ADGRL3: variants seen among roughly 807,000 people sequenced by gnomAD.
ADGRL3 encodes adhesion G protein-coupled receptor L3, also known as calcium-independent alpha-latrotoxin receptor 3.
In ADGRL3, 62 loss-of-function variants were observed where a neutral mutation model predicts 153.5. The ratio of observed to expected loss-of-function variants is 0.40; its 90% CI spans 0.33 to 0.50. The LOEUF is 0.50. ADGRL3 is among the 20% of genes least tolerant of loss of function. ADGRL3 has a pLI of 0.47. For missense variants in ADGRL3, 1,641 were observed against 1,859.4 expected, an observed-to-expected ratio of 0.88 and a Z score of 2.16; for synonymous variants, 710 against 672.5, an observed-to-expected ratio of 1.06 and a Z score of -0.86.
chr4:61,597,029 GT>G (rs909659875), intron 5 of ADGRL3, among the ~76,000 whole-genome samples: 200 of 140,002 alleles, frequency 1.4e-3, no homozygotes, highest in East Asian at 6.9e-3. Flanking sequence ...AGTGAAGTGT[GT>G]TTTTTTTTTT....
At chr4:61,654,508 C>A (rs1009095746) in intron 5 of ADGRL3, among the ~76,000 whole-genome samples, 2 of 151,714 alleles carry the variant, frequency 1.3e-5, no homozygotes, top group African/African-American at 4.8e-5. Context: ...CACTTCTGTA[C>A]TTTTTAGAAT....
intron 4 of ADGRL3, among the ~76,000 whole-genome samples, chr4:61,539,991 A>G (rs979718649): frequency 6.6e-6 from 1 of 152,288 alleles, no homozygotes; most frequent in Middle Eastern, 3.4e-3. Context: ...TCTTCTTCTT[A>G]AGAACTGGCA....
intron 21 of ADGRL3, among the ~76,000 whole-genome samples, chr4:62,008,382 G>T: frequency 6.6e-6 from 1 of 152,080 alleles, no homozygotes; most frequent in East Asian, 1.9e-4. Context: ...AAAGAGTATG[G>T]GGTATAGTGT....
intron 17 of ADGRL3, among the ~76,000 whole-genome samples, chr4:61,975,388 G>A (rs920603586): frequency 2.0e-5 from 3 of 152,134 alleles, no homozygotes; most frequent in African/African-American, 7.2e-5. Context: ...CCATGGGCTG[G>A]AATATCTCTC....
chr4:61,392,008 T>C (rs539743332), intron 2 of ADGRL3, among the ~76,000 whole-genome samples: 238 of 149,800 alleles, frequency 1.6e-3, no homozygotes, highest in African/African-American at 5.5e-3. Flanking sequence ...TGCAGGCGCC[T>C]GCCACCACGA....
In ADGRL3 at chr4:61,436,749, C is replaced by G. The variant is rs373770032; in HGVS notation, c.-174+53560C>G. 4.6e-5 allele frequency among the ~76,000 whole-genome samples: 7 copies of G among 151,890 alleles called. No individual in the cohort carries two copies. In the East Asian group the frequency reaches 7.8e-4, roughly 17 times the overall value. ...AGCAGTCTCCTTGTAAATGTTGAGG[C>G]CAATTTCCTGAAAATCATAGTGGTA... On this transcript the variant is annotated intron_variant, in intron 2 of 26. Transcript: ENST00000683033.
At chr4:61,645,095 T>A (rs2093904216) in intron 5 of ADGRL3, among the ~76,000 whole-genome samples, 1 of 144,262 alleles carries the variant, frequency 6.9e-6, no homozygotes, top group Admixed American at 7.1e-5. Context: ...TATCAGAGAC[T>A]AGGATTGCAA....
chr4:61,928,923 G>T (rs954423635), intron 13 of ADGRL3, among the ~76,000 whole-genome samples: 1 of 152,030 alleles, frequency 6.6e-6, no homozygotes, highest in Non-Finnish European at 1.5e-5. Context: ...ATACCCAAAT[G>T]GTATCACGGC....
chr4:61,474,562 TAAGAAA>T (rs1288513456), intron 2 of ADGRL3, among the ~76,000 whole-genome samples: 6 of 152,124 alleles, frequency 3.9e-5, no homozygotes, highest in Non-Finnish European at 8.8e-5. Flanking sequence ...AAGGGTTTTT[TAAGAAA>T]AAGAAAAAGA....
At chr4:61,548,648 T>A (rs1560822077) in intron 4 of ADGRL3, among the ~76,000 whole-genome samples, 2 of 152,154 alleles carry the variant, frequency 1.3e-5, no homozygotes, top group Admixed American at 1.3e-4. Context: ...TCTGTCTTTG[T>A]ACTAATATCA....
intron 9 of ADGRL3, among the ~76,000 whole-genome samples, chr4:61,826,622 G>C (rs1284602812): frequency 6.6e-6 from 1 of 152,114 alleles, no homozygotes; most frequent in Non-Finnish European, 1.5e-5. Context: ...TTTAAAAGCT[G>C]TGAATAACTC....
intron 5 of ADGRL3, among the ~76,000 whole-genome samples, chr4:61,624,524 C>A (rs1405459339): frequency 6.6e-6 from 1 of 152,040 alleles, no homozygotes; most frequent in African/African-American, 2.4e-5. Flanking sequence ...CCTTCCCAAC[C>A]AGGGTTCCTT....
At chr4:61,486,610 AGAT>A (rs1183730228) in intron 2 of ADGRL3, among the ~76,000 whole-genome samples, 1 of 152,198 alleles carries the variant, frequency 6.6e-6, no homozygotes, top group African/African-American at 2.4e-5. Context: ...TCAACTTTGA[AGAT>A]ATATTTGGTT....
At chr4:61,648,876 T>C (rs888570341) in intron 5 of ADGRL3, among the ~76,000 whole-genome samples, 3 of 152,048 alleles carry the variant, frequency 2.0e-5, no homozygotes, top group Non-Finnish European at 2.9e-5. Flanking sequence ...TTCTTATATA[T>C]AGTTTTATAA....
At chr4:61,425,185 G>A (rs369335660) in intron 2 of ADGRL3, 1 of 152,278 alleles carries the variant, frequency 6.6e-6, no homozygotes, top group Non-Finnish European at 1.5e-5. Flanking sequence ...TGTATACATC[G>A]TGGTACCTGT....
At chr4:61,683,794 A>G (rs189574227) in intron 6 of ADGRL3, among the ~76,000 whole-genome samples, 2 of 152,212 alleles carry the variant, frequency 1.3e-5, no homozygotes, top group Admixed American at 1.3e-4. Flanking sequence ...ACCCACCCCT[A>G]TCTGCCTAGG....
chr4:61,819,352 A>G lies in ADGRL3; in HGVS notation c.1480+5463A>G, dbSNP rs555995585. On this transcript the variant is annotated intron_variant, in intron 9 of 26. Transcript: ENST00000683033. ...AGCAATATCCTTTGAATTGCCTACA[A>G]ACTAACACTAGCTAACCATCTTACC... Among the ~76,000 whole-genome samples, 18 of 152,202 alleles carry G rather than the reference A, an allele frequency of 1.2e-4. 1 individual carries two copies. In the South Asian group the frequency reaches 3.7e-3, roughly 32 times the overall value.
At chr4:61,326,633 G>A (rs953702499) in intron 1 of ADGRL3, among the ~76,000 whole-genome samples, 5 of 148,268 alleles carry the variant, frequency 3.4e-5, no homozygotes, top group Non-Finnish European at 7.5e-5. Context: ...GTGTGTGTGT[G>A]TAATTAGAAA....
intron 9 of ADGRL3, among the ~76,000 whole-genome samples, chr4:61,822,305 G>A (rs932453748): frequency 1.1e-4 from 16 of 151,992 alleles, no homozygotes; most frequent in African/African-American, 3.9e-4. Context: ...TAATATTAAC[G>A]GTAAAGACAA....
Sources: allele counts gnomAD v4.1 joint callset (sites outside exome capture counted in the v4.1 genomes callset), GRCh38; gene constraint gnomAD v4.1.1; transcripts MANE v1.5; gene names NCBI Gene and HGNC (gene_info 2026-07-23, HGNC 2026-07-21).